OPA3: variants seen among roughly 807,000 people sequenced by gnomAD.
OPA3 encodes optic atrophy 3 protein.
Under a neutral mutation model 4.0 loss-of-function variants are expected in OPA3, and 6 were observed. The ratio of observed to expected loss-of-function variants is 1.51; its 90% CI spans 0.83 to 2.99. The LOEUF is 2.99. Among genes scored for constraint, OPA3 ranks in the 30% most tolerant of loss-of-function variants. The probability of loss-of-function intolerance (pLI) is 0.00; values close to 1 mark genes in which losing one functional copy is unlikely to be tolerated. For missense variants in OPA3, 235 were observed against 256.2 expected (o/e 0.92, Z 0.56); for synonymous variants, 105 against 117.1 (o/e 0.90, Z 0.67).
At chr19:45,554,089 T>G (rs1481626292) in intron 1 of OPA3, among the ~76,000 whole-genome samples, 178 bp from the exon 2 acceptor site, 1 of 152,150 alleles carries the variant, frequency 6.6e-6, no homozygotes, top group Non-Finnish European at 1.5e-5. Context: ...GTCCTCGGAC[T>G]TGAGGGGCCG....
In OPA3 at chr19:45,549,945, G is replaced by T. The variant is rs1298694745; in HGVS notation, c.*3569C>A. 6.7e-6 allele frequency: 6 copies of T among 900,470 alleles called. No homozygotes were observed. The highest frequency in any genetic ancestry group is 8.0e-6 in the Non-Finnish European group (6 of 752,822). The allele number at this position is 900,470 out of a possible 1,614,324, so 55.8% of individuals were successfully genotyped here. ...GGCCGAGGCGGGCGGATTACCTGAGGTCAGGAGTTCAAGATCAGCCTGGGC... is the reference window on the plus strand; with the variant it reads ...GGCCGAGGCGGGCGGATTACCTGAGTTCAGGAGTTCAAGATCAGCCTGGGC... On this transcript the variant is annotated 3_prime_UTR_variant, in exon 2 of 2. Coordinates refer to ENST00000263275, the MANE Select transcript of OPA3 (RefSeq NM_025136.4).
intron 1 of OPA3, among the ~76,000 whole-genome samples, chr19:45,563,409 C>T (rs1183464448): frequency 2.0e-5 from 3 of 151,924 alleles, no homozygotes; most frequent in Non-Finnish European, 4.4e-5. Context: ...CCACCCGCCT[C>T]GGCCTCCCAA....
chr19:45,584,607 T>TCCC lies in OPA3; in HGVS notation c.142+15_142+16insGGG. ...GAGAAAGGAAAAAGGTTGGAGGGAATTCGGGTCAGACTCACGTTGAGCCGG... is the reference window on the plus strand; with the variant it reads ...GAGAAAGGAAAAAGGTTGGAGGGAATCCCTCGGGTCAGACTCACGTTGAGCCGG... On this transcript the variant is annotated intron_variant, in intron 1 of 1. Coordinates refer to ENST00000263275, the MANE Select transcript of OPA3 (RefSeq NM_025136.4). 1 of 1,614,136 alleles carries TCCC rather than the reference T, an allele frequency of 6.2e-7. No individual in the cohort carries two copies. Among genetic ancestry groups the TCCC allele is most frequent in the Non-Finnish European group, 8.5e-7 (1 of 1,180,006 alleles).
chr19:45,539,159 T>G (rs746720873), intron 1 of OPA3, among the ~76,000 whole-genome samples: 5 of 152,106 alleles, frequency 3.3e-5, no homozygotes, highest in Non-Finnish European at 7.4e-5. Context: ...CCTCAACACA[T>G]GAGGATGACA....
In OPA3 at chr19:45,553,552, G is replaced by T; in HGVS notation, c.502C>A (p.Arg168=). The change falls in exon 2 of 2, where the codon CGG becomes AGG. Residue 168 remains arginine (R), a synonymous_variant. Coordinates refer to ENST00000263275, the MANE Select transcript of OPA3 (RefSeq NM_025136.4). ...EVRAQLCNPG[R]SASHAVPASK... Reference sequence around the variant, plus strand: ...GCAGGCACTGCGTGGGAAGCGGACCGGCCGGGATTGCAGAGCTGGGCGCGC... The same window carrying T: ...GCAGGCACTGCGTGGGAAGCGGACCTGCCGGGATTGCAGAGCTGGGCGCGC... 3 of 1,613,356 alleles carry T rather than the reference G, an allele frequency of 1.9e-6. No homozygotes were observed. The highest frequency in any genetic ancestry group is 2.5e-6 in the Non-Finnish European group (3 of 1,179,988).
chr19:45,584,022 G>A (rs1199661122), intron 1 of OPA3, among the ~76,000 whole-genome samples: 1 of 152,194 alleles, frequency 6.6e-6, no homozygotes, highest in Non-Finnish European at 1.5e-5. Flanking sequence ...GCATTAATGA[G>A]TACACAGATG....
rs1969293742 is a variant in OPA3 at position 45,549,051 on chromosome 19, C to A, written c.*4463G>T. On this transcript the variant is annotated 3_prime_UTR_variant, in exon 2 of 2. Coordinates refer to ENST00000263275, the MANE Select transcript of OPA3 (RefSeq NM_025136.4). The stretch of plus-strand genomic sequence containing the variant: ...AACTCCTGACCTCAGGTGATCCACC[C>A]ACCCTGGCCTCCCAAAGTGCTAGGA... The A allele has an allele frequency of 1.1e-6, 1 of 888,886 alleles. No homozygotes were observed. The highest frequency in any genetic ancestry group is 1.8e-5 in the African/African-American group (1 of 55,096). The allele number at this position is 888,886 out of a possible 1,614,324, so 55.1% of individuals were successfully genotyped here. A position where few individuals can be genotyped will look rare whatever the true frequency, so the allele number is the denominator to read the frequency against.
Position 45,574,396 on chromosome 19 carries a change from CAAAAAAAA to C in OPA3, c.142+10219_142+10226del, listed in dbSNP as rs779877314. Among the ~76,000 whole-genome samples the C allele has an allele frequency of 2.3e-4, 17 of 72,554 alleles. 1 individual carries two copies. The highest frequency in any genetic ancestry group is 1.0e-3 in the African/African-American group (17 of 17,036). 47.6% of individuals were successfully genotyped at this position (72,554 alleles called of 152,430 possible). On this transcript the variant is annotated intron_variant, in intron 1 of 1. Transcript: ENST00000263275. ...TGGGCGACAGAGCAAGACTCTGTCT[CAAAAAAAA>C]AAAAAAAAAAGAAAAAAAAAACGGA...
At chr19:45,536,241 A>T (rs1441448290) in intron 1 of OPA3, among the ~76,000 whole-genome samples, 2 of 150,216 alleles carry the variant, frequency 1.3e-5, no homozygotes, top group African/African-American at 4.9e-5. Context: ...AAAAAAAAAA[A>T]AAATTAAAAA....
downstream of OPA3, among the ~76,000 whole-genome samples, chr19:45,542,381 T>C (rs765909222): frequency 2.6e-5 from 4 of 152,182 alleles, no homozygotes; most frequent in Non-Finnish European, 5.9e-5. Flanking sequence ...TGTGCAAACA[T>C]CACAGAGTGG....
chr19:45,584,687 A>G lies in OPA3; in HGVS notation c.78T>C (p.Arg26=), dbSNP rs1372988634. The G allele has an allele frequency of 5.0e-6, 8 of 1,614,066 alleles. No homozygotes were observed. Among genetic ancestry groups the G allele is most frequent in the Non-Finnish European group, 6.8e-6 (8 of 1,180,050 alleles). Residue 26 remains arginine (R), a synonymous_variant, in exon 1 of 2, where the codon CGT becomes CGC. Coordinates refer to ENST00000263275, the MANE Select transcript of OPA3 (RefSeq NM_025136.4). ...IRQVSKPLAN[R]IKEAARRSEF... ...CGCTTCGGCGGGCGGCCTCCTTAAT[A>G]CGGTTGGCAAGCGGCTTGCTGACCT...
At chr19:45,533,440 C>T (rs543150466) in intron 1 of OPA3, among the ~76,000 whole-genome samples, 98 of 151,852 alleles carry the variant, frequency 6.5e-4, no homozygotes, top group African/African-American at 2.2e-3. Flanking sequence ...ATGATCTGCC[C>T]GCCTTGGCCT....
At chr19:45,542,683 T>C (rs1377636186), downstream of OPA3, among the ~76,000 whole-genome samples, 2 of 148,060 alleles carry the variant, frequency 1.4e-5, no homozygotes, top group Non-Finnish European at 3.0e-5. Flanking sequence ...TTTTTTTTTT[T>C]TTTTTGAGAC....
chr19:45,549,216 G>C lies in OPA3; in HGVS notation c.*4298C>G. ...AAATTACAAGGTACACAGAATTCTA[G>C]CTAGCAGAACACACGAGCAGTGAAC... On this transcript the variant is annotated 3_prime_UTR_variant, in exon 2 of 2. Transcript: ENST00000263275. The C allele has an allele frequency of 1.0e-6, 1 of 985,388 alleles. No individual in the cohort carries two copies. The highest frequency in any genetic ancestry group is 4.7e-5 in the South Asian group (1 of 21,290). The allele number at this position is 985,388 out of a possible 1,614,324, so 61.0% of individuals were successfully genotyped here. A position where few individuals can be genotyped will look rare whatever the true frequency, so the allele number is the denominator to read the frequency against.
At chr19:45,544,569 T>G (rs1599955526), downstream of OPA3, among the ~76,000 whole-genome samples, 2 of 150,276 alleles carry the variant, frequency 1.3e-5, no homozygotes. Context: ...CCGAGGCAGG[T>G]GGATCACCTG....
At chr19:45,533,636 T>C (rs1969084533) in intron 1 of OPA3, among the ~76,000 whole-genome samples, 1 of 152,202 alleles carries the variant, frequency 6.6e-6, no homozygotes, top group South Asian at 2.1e-4. Context: ...AGTAAGTCCG[T>C]ACTCCAGGGC....
intron 1 of OPA3, among the ~76,000 whole-genome samples, chr19:45,563,850 G>T (rs1011211161): frequency 6.6e-6 from 1 of 150,418 alleles, no homozygotes; most frequent in Non-Finnish European, 1.5e-5. Flanking sequence ...CACCGCGCCC[G>T]GCCTTTTTTT....
Position 45,547,909 on chromosome 19 carries a change from C to G in OPA3, c.*5605G>C, listed in dbSNP as rs1272031802. 1 of 155,542 alleles carries G rather than the reference C, an allele frequency of 6.4e-6. No individual in the cohort carries two copies. Among genetic ancestry groups the G allele is most frequent in the Non-Finnish European group, 1.4e-5 (1 of 71,120 alleles). 9.6% of individuals were successfully genotyped at this position (155,542 alleles called of 1,614,324 possible). ...ATGGGGTTTCTCCATGTCGGTCAGG[C>G]TGGTCTCGAACTCCCGACCTCAGGG... On this transcript the variant is annotated 3_prime_UTR_variant, in exon 2 of 2. Coordinates refer to ENST00000263275, the MANE Select transcript of OPA3 (RefSeq NM_025136.4).
intron 1 of OPA3, among the ~76,000 whole-genome samples, chr19:45,563,722 AT>A (rs1450022636): frequency 1.3e-5 from 2 of 151,674 alleles, no homozygotes; most frequent in Non-Finnish European, 2.9e-5. Context: ...TGCCCTGCTA[AT>A]TTTTGTACTT....
Sources: gnomAD v4.1 joint callset for allele counts (sites outside exome capture counted in the v4.1 genomes callset) on GRCh38, gnomAD v4.1.1 for gene constraint, MANE v1.5 for transcripts, NCBI Gene and HGNC (gene_info 2026-07-23, HGNC 2026-07-21) for gene names.